Variants in KCNAB2 observed in about 807,000 individuals in gnomAD.
KCNAB2 encodes the protein voltage-gated potassium channel subunit beta-2.
In KCNAB2, 29 loss-of-function variants were observed where a neutral mutation model predicts 63.6. The observed-to-expected ratio is 0.46, with a 90% CI of 0.34 to 0.62. The LOEUF is 0.62. KCNAB2 is among the 20% of genes least tolerant of loss of function. KCNAB2 has a pLI of 0.01. For missense variants in KCNAB2, 359 were observed against 563.9 expected (o/e 0.64, Z 3.68); for synonymous variants, 222 against 224.2 (o/e 0.99, Z 0.09).
In KCNAB2 at chr1:6,078,843, G is replaced by A. The variant is rs1042695658; in HGVS notation, c.301-3352G>A. Reference sequence around the variant, plus strand: ...GGGCTGTCGTGGAGCCTGGGAGGCCGCATTTCTGATCTCATGCTGATGCTG... The same window carrying A: ...GGGCTGTCGTGGAGCCTGGGAGGCCACATTTCTGATCTCATGCTGATGCTG... On this transcript the variant is annotated intron_variant, in intron 4 of 15. Coordinates refer to ENST00000378083, the MANE Select transcript of KCNAB2 (RefSeq NM_001199862.2). This position sits in a 1 kb window ranked among gnomAD's most constrained non-coding sequence, Gnocchi z 4.2. Among the ~76,000 whole-genome samples, 29 of 152,194 alleles carry A rather than the reference G, an allele frequency of 1.9e-4. No homozygotes were observed. The highest frequency in any genetic ancestry group is 2.2e-4 in the African/African-American group (9 of 41,448).
In KCNAB2 at chr1:6,051,846, G is replaced by C. The variant is rs535923096; in HGVS notation, c.218+92G>C. The C allele has an allele frequency of 5.8e-6, 8 of 1,369,448 alleles. No individual in the cohort carries two copies. In the South Asian group the frequency reaches 1.2e-4, roughly 20 times the overall value. 84.8% of individuals were successfully genotyped at this position (1,369,448 alleles called of 1,614,324 possible). A position where few individuals can be genotyped will look rare whatever the true frequency, so the allele number is the denominator to read the frequency against. On this transcript the variant is annotated intron_variant, in intron 2 of 15. Coordinates refer to ENST00000378083, the MANE Select transcript of KCNAB2 (RefSeq NM_001199862.2). ...GGGCTGGGCACGGTGGTTCACACCT[G>C]TAATCCCAGCACTTGGGGAGGCAGA...
In KCNAB2 at chr1:6,061,072, G is replaced by C. The variant is rs1012509183; in HGVS notation, c.218+9318G>C. Among the ~76,000 whole-genome samples the C allele has an allele frequency of 9.8e-5, 15 of 152,302 alleles. 1 individual carries two copies. Among genetic ancestry groups the C allele is most frequent in the Middle Eastern group, 3.4e-3 (1 of 294 alleles). ...GCTTTCCAGCCTCTCCAGGCCCAAG[G>C]GGGAGGAGTGGACCCCAGGCACTGA... is the stretch of plus-strand genomic sequence containing the variant. On this transcript the variant is annotated intron_variant, in intron 2 of 15. Transcript: ENST00000378083.
intron 1 of KCNAB2, among the ~76,000 whole-genome samples, chr1:6,046,862 A>T (rs1392529246): frequency 1.3e-5 from 2 of 152,176 alleles, no homozygotes; most frequent in African/African-American, 4.8e-5. Flanking sequence ...GGCTTTCAGT[A>T]AACAGAACAA....
chr1:6,097,472 C>T, intron 15 of KCNAB2, 115 bp downstream of exon 15: 1 of 1,520,812 alleles, frequency 6.6e-7, no homozygotes. Flanking sequence ...TCAGGATGCG[C>T]CCGTGAACCA....
At chr1:6,042,795 G>A (rs1026093760), upstream of KCNAB2, among the ~76,000 whole-genome samples, 47 of 150,544 alleles carry the variant, frequency 3.1e-4, no homozygotes, top group African/African-American at 1.1e-3. Flanking sequence ...TCATGGAGGT[G>A]GCAATGTATT....
chr1:6,009,776 C>G (rs1168365281), intron 1 of KCNAB2, among the ~76,000 whole-genome samples: 1 of 152,142 alleles, frequency 6.6e-6, no homozygotes, highest in South Asian at 2.1e-4. Context: ...TGTTCCCTCT[C>G]TGTCTCTCTA....
rs111461111 is a variant in KCNAB2, at chr1:6,074,687, C to G, written c.300+917C>G. On this transcript the variant is annotated intron_variant, in intron 4 of 15. Coordinates refer to ENST00000378083, the MANE Select transcript of KCNAB2 (RefSeq NM_001199862.2). The surrounding 1 kb of genome is among the most constrained non-coding windows in gnomAD (Gnocchi z 4.9). ...CTTTAAGACACTAGCTGGCCGGGCG[C>G]GGTGACTCACACCTGTAACCCCAGC... Among the ~76,000 whole-genome samples the G allele has an allele frequency of 0.011, 1,614 of 152,242 alleles. 27 individuals carry two copies. The highest frequency in any genetic ancestry group is 0.036 in the African/African-American group (1,480 of 41,526).
intron 4 of KCNAB2, 128 bp from the exon 5 acceptor site, chr1:6,082,067 G>A: frequency 1.4e-6 from 1 of 727,382 alleles, no homozygotes; most frequent in Admixed American, 2.1e-5. Context: ...CAGCCCACAG[G>A]GGAGCCTGTC....
chr1:6,040,747 CA>C, intron 2 of KCNAB2: 1 of 700,950 alleles, frequency 1.4e-6, no homozygotes, highest in Middle Eastern at 3.8e-4. Context: ...TGGAAGGGCC[CA>C]AGCAGGGCCC....
chr1:6,037,360 T>C lies in KCNAB2; in HGVS notation c.-53+2566T>C, dbSNP rs188999741. ...CAGCCCCCATCCCCTTCTGCAAGGC[T>C]GTGTGAGGACATCCTGCCTCCCGTG... On this transcript the variant is annotated intron_variant, in intron 1 of 15. Transcript: ENST00000164247. Among the ~76,000 whole-genome samples the C allele has an allele frequency of 2.2e-3, 336 of 152,356 alleles. 1 individual carries two copies. The highest frequency in any genetic ancestry group is 7.5e-3 in the African/African-American group (312 of 41,596).
rs1389056551 is a variant in KCNAB2, at chr1:6,073,835, C to T, written c.300+65C>T. On this transcript the variant is annotated intron_variant, in intron 4 of 15. Transcript: ENST00000378083. The surrounding 1 kb of genome is among the most constrained non-coding windows in gnomAD (Gnocchi z 5.7). ...GGCTCGCCAGAGCACATGGTTAAGTCTGCCGCGTGGACCAGTGAGCACGTG... is the reference window on the plus strand; with the variant it reads ...GGCTCGCCAGAGCACATGGTTAAGTTTGCCGCGTGGACCAGTGAGCACGTG... 1.2e-5 allele frequency: 19 copies of T among 1,528,782 alleles called. No individual in the cohort carries two copies. The highest frequency in any genetic ancestry group is 1.5e-5 in the Non-Finnish European group (17 of 1,103,278). 94.7% of individuals were successfully genotyped at this position (1,528,782 alleles called of 1,614,324 possible).
At chr1:6,005,662 T>C (rs1479564411) in intron 1 of KCNAB2, among the ~76,000 whole-genome samples, 4 of 151,922 alleles carry the variant, frequency 2.6e-5, no homozygotes, top group Non-Finnish European at 5.9e-5. Flanking sequence ...ATGGGTTTAG[T>C]GGCCCGGGGA....
At chr1:6,079,860 A>C (rs1474200342) in intron 4 of KCNAB2, among the ~76,000 whole-genome samples, 2 of 152,184 alleles carry the variant, frequency 1.3e-5, no homozygotes, top group Admixed American at 1.3e-4. Context: ...TAAAATAGTA[A>C]ATTTCATCAT....
At chr1:6,013,163 G>A (rs115966801) in intron 1 of KCNAB2, among the ~76,000 whole-genome samples, 121 of 152,218 alleles carry the variant, frequency 7.9e-4, no homozygotes, top group African/African-American at 2.5e-3. Flanking sequence ...ACCTTCGTGC[G>A]TTCATCAAAA....
At chr1:6,040,195 A>G (rs964250696) in intron 1 of KCNAB2, among the ~76,000 whole-genome samples, 4 of 152,200 alleles carry the variant, frequency 2.6e-5, no homozygotes, top group Admixed American at 2.6e-4. Flanking sequence ...AGCAGAAACT[A>G]CACCTACGGT....
chr1:6,062,527 G>A (rs899103244), intron 2 of KCNAB2, among the ~76,000 whole-genome samples: 8 of 152,224 alleles, frequency 5.3e-5, no homozygotes, highest in African/African-American at 1.9e-4. Flanking sequence ...ACGTGACATG[G>A]TGCTGGACGG....
chr1:6,044,409 C>T (rs1317374574), upstream of KCNAB2, among the ~76,000 whole-genome samples: 2 of 152,208 alleles, frequency 1.3e-5, no homozygotes, highest in Non-Finnish European at 2.9e-5. Context: ...GGGCTTGGAT[C>T]TGGTCCTTGA....
At chr1:6,084,674 G>A (rs1457101439) in intron 5 of KCNAB2, among the ~76,000 whole-genome samples, 1 of 152,100 alleles carries the variant, frequency 6.6e-6, no homozygotes, top group Non-Finnish European at 1.5e-5. Context: ...AAATTAGCCG[G>A]GCGTGGTGGC....
At position 6,074,420 on chromosome 1, in the gene KCNAB2, T is replaced by C. The variant is rs1663492777; in HGVS notation, c.300+650T>C. 6.6e-6 allele frequency among the ~76,000 whole-genome samples: 1 copy of C among 152,258 alleles called. No individual in the cohort carries two copies. The highest frequency in any genetic ancestry group is 2.4e-5 in the African/African-American group (1 of 41,462). On this transcript the variant is annotated intron_variant, in intron 4 of 15. Transcript: ENST00000378083. This position sits in a 1 kb window ranked among gnomAD's most constrained non-coding sequence, Gnocchi z 4.9. ...ACGGCACACGCCCAGACATGTGTGCTTCTGGACAGTGAGGCAGCATCTCAG... is the reference window on the plus strand; with the variant it reads ...ACGGCACACGCCCAGACATGTGTGCCTCTGGACAGTGAGGCAGCATCTCAG...
Sources: gnomAD v4.1 joint callset for allele counts (sites outside exome capture counted in the v4.1 genomes callset) on GRCh38, gnomAD v4.1.1 for gene constraint, Gnocchi (gnomAD v3.1) non-coding constraint, MANE v1.5 for transcripts, NCBI Gene and HGNC (gene_info 2026-07-23, HGNC 2026-07-21) for gene names.